The following PDPR variants were observed in gnomAD, a reference collection of about 807,000 sequenced individuals.
PDPR encodes pyruvate dehydrogenase phosphatase regulatory subunit, also known as pyruvate dehydrogenase phosphatase regulatory subunit, mitochondrial.
Under a neutral mutation model 102.2 loss-of-function variants are expected in PDPR, and 50 were observed. The ratio of observed to expected loss-of-function variants is 0.49; its 90% CI spans 0.39 to 0.62. The LOEUF (loss-of-function observed/expected upper bound fraction) is 0.62, where lower values mean the gene tolerates loss of function less well. Ranked by LOEUF, PDPR falls within the 20% of genes least tolerant of loss-of-function variation. PDPR has a pLI of 0.00. For missense variants in PDPR, 625 were observed against 1,098.2 expected, an observed-to-expected ratio of 0.57 and a Z score of 6.09; for synonymous variants, 259 against 406.0, an observed-to-expected ratio of 0.64 and a Z score of 4.35.
rs971523110 is a variant in PDPR at position 70,158,330 on chromosome 16, A to G, written c.*1451A>G. The G allele has an allele frequency of 1.2e-4, 18 of 152,456 alleles. No individual in the cohort carries two copies. Among genetic ancestry groups the G allele is most frequent in the Non-Finnish European group, 1.8e-4 (12 of 68,156 alleles). The allele number at this position is 152,456 out of a possible 1,614,324, so 9.4% of individuals were successfully genotyped here. A position where few individuals can be genotyped will look rare whatever the true frequency, so the allele number is the denominator to read the frequency against. On this transcript the variant is annotated 3_prime_UTR_variant, in exon 19 of 19. Coordinates refer to ENST00000288050, the MANE Select transcript of PDPR (RefSeq NM_017990.5). ...TGCTATAAGACATTTTGGTTAGTAAAACTCTAGCCTTTGGCGTGTTGGTAT... is the reference window on the plus strand; with the variant it reads ...TGCTATAAGACATTTTGGTTAGTAAGACTCTAGCCTTTGGCGTGTTGGTAT...
In PDPR at chr16:70,158,384, T is replaced by C. The variant is rs1463769208; in HGVS notation, c.*1505T>C. On this transcript the variant is annotated 3_prime_UTR_variant, in exon 19 of 19. Coordinates refer to ENST00000288050, the MANE Select transcript of PDPR (RefSeq NM_017990.5). ...GGAAGCATTAGCTCTGATAGGTCTATAAGTGTATTAAGGGACATCCTTCCA... is the reference window on the plus strand; with the variant it reads ...GGAAGCATTAGCTCTGATAGGTCTACAAGTGTATTAAGGGACATCCTTCCA... 1 of 152,614 alleles carries C rather than the reference T, an allele frequency of 6.6e-6. No homozygotes were observed. The highest frequency in any genetic ancestry group is 2.4e-5 in the African/African-American group (1 of 41,486). 9.5% of individuals were successfully genotyped at this position (152,614 alleles called of 1,614,324 possible). A position where few individuals can be genotyped will look rare whatever the true frequency, so the allele number is the denominator to read the frequency against.
At chr16:70,152,045 C>T (rs945657046) in intron 17 of PDPR, among the ~76,000 whole-genome samples, 7 of 152,246 alleles carry the variant, frequency 4.6e-5, no homozygotes, top group Admixed American at 1.3e-4. Context: ...CCTAAAGGAC[C>T]GGGCATTGAG....
chr16:70,126,672 ATTTG>A (rs1295457244), intron 3 of PDPR, among the ~76,000 whole-genome samples: 2 of 152,062 alleles, frequency 1.3e-5, no homozygotes, highest in Admixed American at 1.3e-4. Context: ...CTTTATTTTT[ATTTG>A]TTTATTTATT....
chr16:70,156,508 C>T lies in PDPR; in HGVS notation c.2269C>T (p.Gln757Ter), dbSNP rs746476241. Residue 757 changes from glutamine (Q) to a stop codon, truncating the protein, a stop_gained, in exon 19 of 19, where the codon CAG (glutamine) becomes TAG (stop). Transcript: ENST00000288050. LOFTEE classifies it high-confidence loss of function. ...MDFIGRDALL[Q>*]QKQNGVYKRL... is the part of the protein sequence containing the mutation. ...TTTCATTGGTCGCGACGCCCTCCTG[C>T]AGCAGAAGCAGAATGGAGTGTATAA... The T allele has an allele frequency of 6.2e-7, 1 of 1,613,938 alleles. No homozygotes were observed. The highest frequency in any genetic ancestry group is 8.5e-7 in the Non-Finnish European group (1 of 1,179,792).
intron 12 of PDPR, 64 bp downstream of exon 12, chr16:70,142,453 A>C: frequency 6.2e-7 from 1 of 1,613,236 alleles, no homozygotes; most frequent in East Asian, 2.2e-5. Context: ...TTAATAAAAC[A>C]TATTTTCAAA....
chr16:70,123,450 C>T (rs1433851015), intron 3 of PDPR, among the ~76,000 whole-genome samples: 14 of 152,320 alleles, frequency 9.2e-5, no homozygotes, highest in Admixed American at 5.2e-4. Flanking sequence ...GTTGTCCAGG[C>T]TGGCCTCAAA....
Position 70,125,552 on chromosome 16 carries a change from CAAAAA to C in PDPR, c.228-1690_228-1686del, listed in dbSNP as rs1164711741. Among the ~76,000 whole-genome samples the C allele has an allele frequency of 2.2e-3, 232 of 106,772 alleles. 1 individual carries two copies. Among genetic ancestry groups the C allele is most frequent in the African/African-American group, 7.1e-3 (191 of 26,938 alleles). 70.0% of individuals were successfully genotyped at this position (106,772 alleles called of 152,430 possible). On this transcript the variant is annotated intron_variant, in intron 3 of 18. Transcript: ENST00000288050. ...CTGGGTGACAAGGGAAACTGCGTCT[CAAAAA>C]AAAAAAAAAAAAAAAAAGTATATAT...
At chr16:70,139,524 T>C (rs942302081) in intron 11 of PDPR, among the ~76,000 whole-genome samples, 4 of 152,374 alleles carry the variant, frequency 2.6e-5, no homozygotes, top group African/African-American at 9.6e-5. Flanking sequence ...TCACCATTAA[T>C]CCACCCTACA....
At chr16:70,132,644 T>C (rs1597329250) in intron 9 of PDPR, among the ~76,000 whole-genome samples, 1 of 143,240 alleles carries the variant, frequency 7.0e-6, no homozygotes, top group African/African-American at 2.6e-5. Flanking sequence ...CCTGGTCTCA[T>C]AGCTTTTTTT....
At chr16:70,124,707 C>G in intron 3 of PDPR, among the ~76,000 whole-genome samples, 1 of 152,348 alleles carries the variant, frequency 6.6e-6, no homozygotes, top group Middle Eastern at 3.4e-3. Flanking sequence ...GTGCTGACCA[C>G]CAGCCAGTTA....
At chr16:70,151,632 G>C (rs1426109736) in intron 17 of PDPR, among the ~76,000 whole-genome samples, 1 of 152,294 alleles carries the variant, frequency 6.6e-6, no homozygotes, top group African/African-American at 2.4e-5. Context: ...TCATCAGGAA[G>C]GGGAGGCTCT....
chr16:70,156,931 G>A lies in PDPR; in HGVS notation c.*52G>A, dbSNP rs1008607707. ...CCCATCATCTTGTCCTAGAGTGGGCGTCACCTTGGAGCTTCTCTTCCTTCC... is the reference window on the plus strand; with the variant it reads ...CCCATCATCTTGTCCTAGAGTGGGCATCACCTTGGAGCTTCTCTTCCTTCC... On this transcript the variant is annotated 3_prime_UTR_variant, in exon 19 of 19. Coordinates refer to ENST00000288050, the MANE Select transcript of PDPR (RefSeq NM_017990.5). The A allele has an allele frequency of 2.0e-5, 32 of 1,588,262 alleles. No homozygotes were observed. The highest frequency in any genetic ancestry group is 6.7e-5 in the African/African-American group (5 of 74,208).
Position 70,161,185 on chromosome 16 carries a change from G to T in PDPR, c.*4306G>T, listed in dbSNP as rs1295176749. The stretch of plus-strand genomic sequence containing the variant: ...CCAGCACTTTGGGAGGCCCAGTGAG[G>T]TGGGAGAATTGCTTGAACCCAGGAG... On this transcript the variant is annotated 3_prime_UTR_variant, in exon 19 of 19. Coordinates refer to ENST00000288050, the MANE Select transcript of PDPR (RefSeq NM_017990.5). The T allele has an allele frequency of 6.5e-6, 1 of 153,280 alleles. No individual in the cohort carries two copies. The highest frequency in any genetic ancestry group is 2.1e-4 in the South Asian group (1 of 4,846). 9.5% of individuals were successfully genotyped at this position (153,280 alleles called of 1,614,324 possible).
In PDPR at chr16:70,131,352, A is replaced by G. The variant is rs1373817269; in HGVS notation, c.780A>G (p.Leu260=). ...LSNEEPVSIP[L]HACEHFYLLT... is the part of the protein sequence containing the mutation. ...ACGAGGAGCCGGTTAGTATCCCGCT[A>G]CATGCCTGCGAACACTTCTACCTCC... The change falls in exon 8 of 19, where the codon CTA becomes CTG. Residue 260 remains leucine (L), a synonymous_variant. Transcript: ENST00000288050. The G allele has an allele frequency of 6.5e-7, 1 of 1,549,728 alleles. No individual in the cohort carries two copies. The highest frequency in any genetic ancestry group is 8.8e-7 in the Non-Finnish European group (1 of 1,138,278).
rs1157216253 is a variant in PDPR at position 70,153,527 on chromosome 16, C to T, written c.2189C>T (p.Thr730Ile). 2 of 1,611,782 alleles carry T rather than the reference C, an allele frequency of 1.2e-6. No homozygotes were observed. The highest frequency in any genetic ancestry group is 1.1e-5 in the South Asian group (1 of 90,526). ...TGGGGTCAGGATATAAATAACCTCA[C>T]CACGCCCCTGGAATGTGGACGAGAG... is the stretch of plus-strand genomic sequence containing the variant. ...AFWGQDINNL[T>I]TPLECGRESR... Residue 730 changes from threonine (T) to isoleucine (I), a missense_variant, in exon 18 of 19, where the codon ACC becomes ATC. This residue lies in a region of PDPR where 303 missense variants were observed against 258.9 expected (regional missense o/e 1.17). Transcript: ENST00000288050.
intron 9 of PDPR, among the ~76,000 whole-genome samples, chr16:70,132,819 T>TTG (rs898799515): frequency 1.3e-5 from 2 of 151,682 alleles, no homozygotes; most frequent in Non-Finnish European, 2.9e-5. Context: ...CTCTATCATT[T>TTG]TGTGTGTGTG....
At chr16:70,149,194 C>T (rs1966498286) in intron 17 of PDPR, among the ~76,000 whole-genome samples, 1 of 151,932 alleles carries the variant, frequency 6.6e-6, no homozygotes, top group Non-Finnish European at 1.5e-5. Context: ...CATACCCAGC[C>T]AAGCCCCCTT....
At chr16:70,141,491 G>C in intron 11 of PDPR, among the ~76,000 whole-genome samples, 1 of 152,282 alleles carries the variant, frequency 6.6e-6, no homozygotes, top group Non-Finnish European at 1.5e-5. Context: ...AATTATCAGG[G>C]AGGAAATGTC....
At chr16:70,147,631 A>G (rs570339889) in intron 16 of PDPR, 1,955 of 449,722 alleles carry the variant, frequency 4.3e-3, no homozygotes, top group Non-Finnish European at 6.0e-3. Flanking sequence ...AGAGAGGGCC[A>G]AACGGACAGA....
Sources: gnomAD v4.1 joint callset for allele counts (sites outside exome capture counted in the v4.1 genomes callset) on GRCh38, gnomAD v4.1.1 for gene constraint, gnomAD v4.1.1 regional missense constraint, MANE v1.5 for transcripts, NCBI Gene and HGNC (gene_info 2026-07-23, HGNC 2026-07-21) for gene names.